The following PTK2B variants were observed in gnomAD, a reference collection of about 807,000 sequenced individuals.
The protein encoded by PTK2B is protein-tyrosine kinase 2-beta.
Under a neutral mutation model 142.9 loss-of-function variants are expected in PTK2B, and 71 were observed. That is an observed-to-expected ratio of 0.50 (90% CI 0.41 to 0.61). PTK2B has a LOEUF of 0.61. Ranked by LOEUF, PTK2B falls within the 20% of genes least tolerant of loss-of-function variation. PTK2B has a pLI of 0.00. For missense variants in PTK2B, 1,105 were observed against 1,320.4 expected (o/e 0.84, Z 2.53); for synonymous variants, 519 against 503.4 (o/e 1.03, Z -0.42).
chr8:27,342,707 A>G (rs1194429171), intron 1 of PTK2B, among the ~76,000 whole-genome samples: 1 of 151,982 alleles, frequency 6.6e-6, no homozygotes, highest in Non-Finnish European at 1.5e-5. Context: ...CTGATCCCAC[A>G]GTCTTCTTCC....
Position 27,458,520 on chromosome 8 carries a change from G to A in PTK2B, c.*11G>A, listed in dbSNP as rs1812298489. The A allele has an allele frequency of 1.9e-6, 3 of 1,556,342 alleles. No homozygotes were observed. In the East Asian group the frequency reaches 7.2e-5, roughly 38 times the overall value. ...CCACCTGCAGAGTGACGGAGGGTGGGGGCCACCTGCCTGCGTCTTCCGCCC... is the reference window on the plus strand; with the variant it reads ...CCACCTGCAGAGTGACGGAGGGTGGAGGCCACCTGCCTGCGTCTTCCGCCC... On this transcript the variant is annotated 3_prime_UTR_variant, in exon 31 of 31. Coordinates refer to ENST00000346049, the MANE Select transcript of PTK2B (RefSeq NM_173176.3).
At position 27,439,102 on chromosome 8, in the gene PTK2B, G is replaced by A. The variant is rs757800100; in HGVS notation, c.1715G>A (p.Arg572Gln). ...AAGCTGGGGGACTTTGGTCTTTCCC[G>A]GTACATTGAGGACGAGGACTATTAC... ...CVKLGDFGLSRYIEDEDYYKA... is the reference protein window; with the variant it reads ...CVKLGDFGLSQYIEDEDYYKA... Residue 572 changes from arginine to glutamine, a missense_variant, in exon 19 of 31, where the codon CGG (arginine) becomes CAG (glutamine). Transcript: ENST00000346049. The A allele has an allele frequency of 6.2e-6, 10 of 1,613,722 alleles. No individual in the cohort carries two copies. The highest frequency in any genetic ancestry group is 2.2e-5 in the South Asian group (2 of 91,086).
chr8:27,333,088 G>A (rs576384937), intron 1 of PTK2B, among the ~76,000 whole-genome samples: 18 of 152,330 alleles, frequency 1.2e-4, no homozygotes, highest in African/African-American at 3.1e-4. Context: ...TGGAGGAGAC[G>A]GCATTTGGCA....
chr8:27,458,583 A>G lies in PTK2B; in HGVS notation c.*74A>G. 6.8e-7 allele frequency: 1 copy of G among 1,476,434 alleles called. No individual in the cohort carries two copies. The highest frequency in any genetic ancestry group is 9.1e-7 in the Non-Finnish European group (1 of 1,093,234). 91.5% of individuals were successfully genotyped at this position (1,476,434 alleles called of 1,614,324 possible). On this transcript the variant is annotated 3_prime_UTR_variant, in exon 31 of 31. Transcript: ENST00000346049. ...TACCTCCCCTGCCTTGCTGTTGGTC[A>G]TGTGGGTCTTCCAGGGGGAAGGCCA...
chr8:27,331,208 G>A (rs1168292660), intron 1 of PTK2B, among the ~76,000 whole-genome samples: 1 of 152,124 alleles, frequency 6.6e-6, no homozygotes, highest in African/African-American at 2.4e-5. Context: ...CCCAATAATT[G>A]TGGGGGCAGA....
intron 3 of PTK2B, among the ~76,000 whole-genome samples, chr8:27,319,371 G>T (rs1298743923): frequency 2.0e-5 from 3 of 150,166 alleles, no homozygotes; most frequent in Admixed American, 6.6e-5. Context: ...GGTGGGGCAT[G>T]GTGGCTCATG....
chr8:27,407,882 G>A (rs545955845), intron 2 of PTK2B, among the ~76,000 whole-genome samples: 55 of 152,212 alleles, frequency 3.6e-4, no homozygotes, highest in African/African-American at 1.2e-3. Flanking sequence ...AAGCTCTTAC[G>A]TGTCTGTAAC....
intron 21 of PTK2B, among the ~76,000 whole-genome samples, chr8:27,441,315 A>G (rs1811145507): frequency 6.6e-6 from 1 of 152,212 alleles, no homozygotes. Flanking sequence ...CATTGAAACA[A>G]TGTGAAAACC....
Position 27,452,955 on chromosome 8 carries a change from C to T in PTK2B, c.2549-159C>T, listed in dbSNP as rs1811909411. 3.8e-6 allele frequency: 3 copies of T among 788,474 alleles called. No individual in the cohort carries two copies. In the Admixed American group the frequency reaches 8.0e-5, roughly 21 times the overall value. The allele number at this position is 788,474 out of a possible 1,614,324, so 48.8% of individuals were successfully genotyped here. Reference sequence around the variant, plus strand: ...CTGACTACTGCAAAACCAGGGAGACCAGGAGGTTCCTTCCCCTGCCCGCTT... The same window carrying T: ...CTGACTACTGCAAAACCAGGGAGACTAGGAGGTTCCTTCCCCTGCCCGCTT... On this transcript the variant is annotated intron_variant, in intron 27 of 30. Coordinates refer to ENST00000346049, the MANE Select transcript of PTK2B (RefSeq NM_173176.3).
At chr8:27,412,084 A>G (rs1809101365) in intron 2 of PTK2B, among the ~76,000 whole-genome samples, 1 of 152,218 alleles carries the variant, frequency 6.6e-6, no homozygotes, top group Non-Finnish European at 1.5e-5. Flanking sequence ...CACACCAACA[A>G]GATGTGCATC....
intron 2 of PTK2B, among the ~76,000 whole-genome samples, chr8:27,412,456 A>C (rs1809127493): frequency 6.6e-6 from 1 of 152,138 alleles, no homozygotes; most frequent in South Asian, 2.1e-4. Context: ...TGCAGAACCA[A>C]GGACAAAAAC....
chr8:27,423,862 T>C (rs1441257579), intron 5 of PTK2B, among the ~76,000 whole-genome samples: 2 of 152,150 alleles, frequency 1.3e-5, no homozygotes, highest in African/African-American at 4.8e-5. Flanking sequence ...TCACATTTCG[T>C]GACTTTGTCT....
At chr8:27,446,329 A>G (rs1460445507) in intron 24 of PTK2B, among the ~76,000 whole-genome samples, 1 of 152,192 alleles carries the variant, frequency 6.6e-6, no homozygotes, top group Non-Finnish European at 1.5e-5. Context: ...CTCCTCAGTC[A>G]AAGGAAAGGC....
intron 1 of PTK2B, among the ~76,000 whole-genome samples, chr8:27,341,962 T>C (rs1002967936): frequency 6.6e-6 from 1 of 152,092 alleles, no homozygotes; most frequent in African/African-American, 2.4e-5. Context: ...ACAGGTATGA[T>C]CCACCCCACC....
intron 3 of PTK2B, among the ~76,000 whole-genome samples, chr8:27,315,329 A>C (rs1355516625): frequency 6.6e-6 from 1 of 152,172 alleles, no homozygotes; most frequent in Non-Finnish European, 1.5e-5. Flanking sequence ...AGGTGCAAGA[A>C]AGTTTGAAAG....
At chr8:27,395,851 CT>C (rs953545239) in intron 1 of PTK2B, among the ~76,000 whole-genome samples, 1 of 152,342 alleles carries the variant, frequency 6.6e-6, no homozygotes, top group African/African-American at 2.4e-5. Context: ...CGACTTCCCC[CT>C]GGATTCCTTG....
At chr8:27,321,997 C>CT (rs549210899), upstream of PTK2B, among the ~76,000 whole-genome samples, 62 of 145,358 alleles carry the variant, frequency 4.3e-4, no homozygotes, top group East Asian at 1.2e-3. Context: ...TTCTTTGTCC[C>CT]TTTTTTTTTT....
At chr8:27,365,778 A>G (rs1725318506) in intron 1 of PTK2B, among the ~76,000 whole-genome samples, 1 of 152,174 alleles carries the variant, frequency 6.6e-6, no homozygotes, top group Non-Finnish European at 1.5e-5. Context: ...AAAATGCACA[A>G]CCTTAAAGCT....
chr8:27,437,722 G>A, intron 17 of PTK2B, 43 bp from the exon 18 acceptor site: 1 of 1,565,484 alleles, frequency 6.4e-7, no homozygotes, highest in Non-Finnish European at 8.7e-7. Flanking sequence ...GCTCCATACT[G>A]GGACCAACCA....
Sources: gnomAD v4.1 joint callset for allele counts (sites outside exome capture counted in the v4.1 genomes callset) on GRCh38, gnomAD v4.1.1 for gene constraint, MANE v1.5 for transcripts, NCBI Gene and HGNC (gene_info 2026-07-23, HGNC 2026-07-21) for gene names.